CERK: variants seen among roughly 807,000 people sequenced by gnomAD.
CERK encodes acylsphingosine kinase.
CERK carries 39 observed loss-of-function variants against 63.4 expected under a neutral mutation model. The observed-to-expected ratio is 0.61, with a 90% CI of 0.48 to 0.80. The LOEUF is 0.80. Ranked by LOEUF, CERK falls within the 30% of genes least tolerant of loss-of-function variation. The pLI is 0.00. For synonymous variants in CERK, 302 were observed against 280.0 expected, an observed-to-expected ratio of 1.08 and a Z score of -0.78; for missense variants, 670 against 714.1, an observed-to-expected ratio of 0.94 and a Z score of 0.70.
intron 8 of CERK, among the ~76,000 whole-genome samples, chr22:46,695,786 GC>G (rs771692416): frequency 7.9e-5 from 12 of 152,348 alleles, no homozygotes; most frequent in Non-Finnish European, 1.8e-4. Context: ...AGAGGCCAGG[GC>G]CGCTGCCACC....
chr22:46,731,301 C>T (rs541121993), intron 1 of CERK, among the ~76,000 whole-genome samples: 16 of 152,366 alleles, frequency 1.1e-4, no homozygotes, highest in Admixed American at 6.5e-4. Flanking sequence ...ACTCCACCCA[C>T]GTGCTGTTAG....
chr22:46,687,359 G>A (rs1418081750), intron 12 of CERK, among the ~76,000 whole-genome samples, 153 bp from the exon 13 acceptor site: 2 of 152,002 alleles, frequency 1.3e-5, no homozygotes, highest in Non-Finnish European at 2.9e-5. Context: ...CTGAAGTGGG[G>A]GTCCATCCCC....
chr22:46,734,197 A>T (rs1186785279), intron 1 of CERK, among the ~76,000 whole-genome samples: 1 of 152,128 alleles, frequency 6.6e-6, no homozygotes, highest in Non-Finnish European at 1.5e-5. Flanking sequence ...AGGTGAATGG[A>T]CTGCAAACTG....
Position 46,707,905 on chromosome 22 carries a change from T to C in CERK, c.653A>G (p.Asp218Gly), listed in dbSNP as rs2082821346. ...IGRTQRSAGV[D>G]QNHPRAVLVP... Reference sequence around the variant, plus strand: ...CAGCACAGCCCGGGGGTGGTTCTGGTCGACCCCGGCGCTCCTCTGCGTCCT... The same window carrying C: ...CAGCACAGCCCGGGGGTGGTTCTGGCCGACCCCGGCGCTCCTCTGCGTCCT... The change falls in exon 6 of 13, where the codon GAC becomes GGC. Residue 218 changes from aspartate (D) to glycine (G), a missense_variant. Asp to Gly is a moderately conservative substitution (Grantham distance 94). Coordinates refer to ENST00000216264, the MANE Select transcript of CERK (RefSeq NM_022766.6). 2 of 1,613,926 alleles carry C rather than the reference T, an allele frequency of 1.2e-6. No individual in the cohort carries two copies. The highest frequency in any genetic ancestry group is 8.5e-7 in the Non-Finnish European group (1 of 1,179,954).
intron 7 of CERK, among the ~76,000 whole-genome samples, 169 bp downstream of exon 7, chr22:46,701,467 C>T (rs939426118): frequency 3.9e-5 from 6 of 152,278 alleles, no homozygotes; most frequent in African/African-American, 9.6e-5. Flanking sequence ...CTCGGAGCTG[C>T]GTGCTGAGTG....
chr22:46,707,997 G>C lies in CERK; in HGVS notation c.570-9C>G, dbSNP rs1290885692. 1 of 1,595,986 alleles carries C rather than the reference G, an allele frequency of 6.3e-7. No individual in the cohort carries two copies. Among genetic ancestry groups the C allele is most frequent in the Admixed American group, 1.7e-5 (1 of 59,212 alleles). ...CGCCGACACAGACGATGCTGCAGGA[G>C]GAACACAGCCGGTCAGGGCTCCTGC... On this transcript the variant is annotated splice_polypyrimidine_tract_variant and intron_variant, in intron 5 of 12. Transcript: ENST00000216264.
At chr22:46,691,146 C>G (rs1421564239) in intron 11 of CERK, among the ~76,000 whole-genome samples, 1 of 152,042 alleles carries the variant, frequency 6.6e-6, no homozygotes, top group East Asian at 1.9e-4. Context: ...GTGATCTCAG[C>G]TCACTGTAGC....
At chr22:46,731,459 G>A (rs1357338580) in intron 1 of CERK, among the ~76,000 whole-genome samples, 1 of 152,222 alleles carries the variant, frequency 6.6e-6, no homozygotes, top group African/African-American at 2.4e-5. Context: ...AGGGGAACCT[G>A]GGCTTCCACC....
chr22:46,720,643 C>T (rs891250885), intron 2 of CERK, among the ~76,000 whole-genome samples: 8 of 151,952 alleles, frequency 5.3e-5, no homozygotes, highest in Non-Finnish European at 5.9e-5. Context: ...TTGAACTAGC[C>T]GAGACCGCGC....
chr22:46,731,472 C>T (rs1208046368), intron 1 of CERK, among the ~76,000 whole-genome samples: 2 of 152,278 alleles, frequency 1.3e-5, no homozygotes, highest in East Asian at 3.8e-4. Flanking sequence ...CTTCCACCCC[C>T]ACCTGGCAGT....
At chr22:46,733,703 G>A (rs1400237784) in intron 1 of CERK, among the ~76,000 whole-genome samples, 2 of 151,898 alleles carry the variant, frequency 1.3e-5, no homozygotes, top group East Asian at 1.9e-4. Context: ...TTGGTTAGGA[G>A]AGCCTTTTCC....
chr22:46,732,781 A>C (rs779522002), intron 1 of CERK, among the ~76,000 whole-genome samples: 28 of 152,222 alleles, frequency 1.8e-4, no homozygotes, highest in Admixed American at 3.3e-4. Context: ...TTGGGTCAGT[A>C]TCTACTCAGA....
chr22:46,713,508 CAAAAAAAAA>C (rs34168827), intron 3 of CERK, among the ~76,000 whole-genome samples: 2 of 74,292 alleles, frequency 2.7e-5, no homozygotes, highest in Non-Finnish European at 5.1e-5. Context: ...GACTTCATCT[CAAAAAAAAA>C]AAAAAAAAAA....
intron 3 of CERK, 147 bp downstream of exon 3, chr22:46,719,939 A>G (rs1340342340): frequency 9.2e-7 from 1 of 1,081,560 alleles, no homozygotes; most frequent in African/African-American, 1.6e-5. Context: ...TGGTCTGCTC[A>G]TGAGAAATTA....
chr22:46,717,512 C>T (rs1355955575), intron 3 of CERK, among the ~76,000 whole-genome samples: 3 of 152,214 alleles, frequency 2.0e-5, no homozygotes, highest in Non-Finnish European at 4.4e-5. Context: ...CTCGCCACCA[C>T]GGTGGAAAAC....
chr22:46,696,876 C>T (rs2082759257), intron 8 of CERK, among the ~76,000 whole-genome samples: 1 of 152,220 alleles, frequency 6.6e-6, no homozygotes, highest in African/African-American at 2.4e-5. Context: ...CTGCCCACCA[C>T]CCCACCCCAG....
chr22:46,701,820 A>G (rs905323332), intron 6 of CERK, 110 bp from the exon 7 acceptor site: 1 of 684,356 alleles, frequency 1.5e-6, no homozygotes, highest in South Asian at 1.9e-5. Context: ...CCCTAGAGTC[A>G]ACACTAAGGA....
At chr22:46,692,579 G>T (rs1370999086) in intron 10 of CERK, among the ~76,000 whole-genome samples, 1 of 152,062 alleles carries the variant, frequency 6.6e-6, no homozygotes, top group Non-Finnish European at 1.5e-5. Context: ...TCCAGCCTGG[G>T]TGATGGAACA....
chr22:46,694,945 T>TC (rs1193788389), intron 9 of CERK, among the ~76,000 whole-genome samples: 10 of 152,092 alleles, frequency 6.6e-5, no homozygotes, highest in Admixed American at 6.5e-5. Context: ...CAGCCCCCAC[T>TC]CCAACAGTGG....
Sources: allele counts gnomAD v4.1 joint callset (sites outside exome capture counted in the v4.1 genomes callset), GRCh38; gene constraint gnomAD v4.1.1; transcripts MANE v1.5; gene names NCBI Gene and HGNC (gene_info 2026-07-23, HGNC 2026-07-21).